PARP4: variants seen among roughly 807,000 people sequenced by gnomAD.
PARP4 encodes protein mono-ADP-ribosyltransferase PARP4.
A neutral mutation model predicts 187.7 loss-of-function variants in PARP4; 120 were observed. The observed-to-expected ratio is 0.64, with a 90% CI of 0.55 to 0.74. The LOEUF (loss-of-function observed/expected upper bound fraction) is 0.74. PARP4 is among the 30% of genes least tolerant of loss of function. The probability of loss-of-function intolerance (pLI) is 0.00; values close to 1 mark genes in which losing one functional copy is unlikely to be tolerated. For missense variants in PARP4, 1,836 were observed against 2,070.5 expected (o/e 0.89, Z 2.20); for synonymous variants, 654 against 740.9 (o/e 0.88, Z 1.90).
chr13:24,490,601 G>A, intron 10 of PARP4, 67 bp downstream of exon 10: 1 of 1,193,636 alleles, frequency 8.4e-7, no homozygotes. Flanking sequence ...ACTGTAATTA[G>A]CTCTTTAACG....
At chr13:24,469,773 C>T (rs1232571503) in intron 16 of PARP4, 121 bp downstream of exon 16, 7 of 1,014,742 alleles carry the variant, frequency 6.9e-6, no homozygotes, top group Admixed American at 2.7e-5. Flanking sequence ...AGAATATTCT[C>T]GTTTTATGAT....
intron 30 of PARP4, among the ~76,000 whole-genome samples, chr13:24,436,747 G>A (rs1289237459): frequency 1.3e-5 from 2 of 152,120 alleles, no homozygotes; most frequent in Non-Finnish European, 2.9e-5. Flanking sequence ...AAAGTTGCAT[G>A]TATAAAATCC....
At chr13:24,470,852 C>T (rs1398328265) in intron 15 of PARP4, among the ~76,000 whole-genome samples, 1 of 150,308 alleles carries the variant, frequency 6.7e-6, no homozygotes, top group Non-Finnish European at 1.5e-5. Flanking sequence ...CAAAATTTTT[C>T]AAGGAGTCCT....
intron 32 of PARP4, 55 bp from the exon 33 acceptor site, chr13:24,426,653 G>C (rs1317941490): frequency 1.1e-5 from 17 of 1,486,056 alleles, no homozygotes; most frequent in Middle Eastern, 2.4e-4. Context: ...CTCAAACTGT[G>C]CCTGTTTATA....
chr13:24,505,131 T>G (rs1869547527), intron 1 of PARP4, among the ~76,000 whole-genome samples: 1 of 148,828 alleles, frequency 6.7e-6, no homozygotes, highest in South Asian at 2.1e-4. Flanking sequence ...AGGTGAGGGT[T>G]AAAGAAAGAC....
chr13:24,433,337 C>A (rs1164934561), intron 31 of PARP4, among the ~76,000 whole-genome samples: 1 of 152,182 alleles, frequency 6.6e-6, no homozygotes, highest in Non-Finnish European at 1.5e-5. Flanking sequence ...GCAGCCTCCA[C>A]CATAGTGATG....
intron 15 of PARP4, among the ~76,000 whole-genome samples, chr13:24,471,085 A>T (rs1872713138): frequency 6.6e-6 from 1 of 152,140 alleles, no homozygotes; most frequent in African/African-American, 2.4e-5. Flanking sequence ...GTGCCTGGTG[A>T]GGAGGCACCA....
At chr13:24,509,012 C>G (rs1869856740) in intron 1 of PARP4, among the ~76,000 whole-genome samples, 1 of 152,080 alleles carries the variant, frequency 6.6e-6, no homozygotes, top group African/African-American at 2.4e-5. Flanking sequence ...TGATGAACAT[C>G]CTTATGTGCA....
intron 30 of PARP4, among the ~76,000 whole-genome samples, chr13:24,440,900 C>T (rs1172122352): frequency 6.6e-6 from 1 of 152,134 alleles, no homozygotes. Flanking sequence ...ATGATCAAAT[C>T]CTCACTCTGT....
rs1284981380 is a variant in PARP4, at chr13:24,499,354, T to G, written c.424A>C (p.Ile142Leu). 6.3e-7 allele frequency: 1 copy of G among 1,582,950 alleles called. No homozygotes were observed. Among genetic ancestry groups the G allele is most frequent in the Non-Finnish European group, 8.6e-7 (1 of 1,166,754 alleles). Residue 142 changes from isoleucine (I) to leucine (L), a missense_variant, in exon 5 of 34, where the codon ATT becomes CTT. Ile to Leu is a conservative substitution (Grantham distance 5). Around this residue, in one of 8 missense-constraint regions of PARP4, gnomAD observed 1,147 missense variants for 1,214.2 expected, o/e 0.94. Coordinates refer to ENST00000381989, the MANE Select transcript of PARP4 (RefSeq NM_006437.4). The stretch of plus-strand genomic sequence containing the variant: ...TCAAAATCTTGAGGAAGATGAGGAA[T>G]TTCAACATTCTGCATACCAAACCTG... ...LTEFGMQNVE[I>L]PHLPQDFEVA... is the part of the protein sequence containing the mutation.
intron 7 of PARP4, among the ~76,000 whole-genome samples, chr13:24,494,293 T>C (rs976403650): frequency 1.3e-5 from 2 of 152,178 alleles, no homozygotes; most frequent in Non-Finnish European, 1.5e-5. Context: ...ACTGCTGAAT[T>C]CAAGTGGTCC....
intron 1 of PARP4, among the ~76,000 whole-genome samples, chr13:24,508,663 G>A (rs1025460862): frequency 2.0e-5 from 3 of 152,120 alleles, no homozygotes; most frequent in African/African-American, 4.8e-5. Context: ...ATAGGTGCCT[G>A]CCACCATGCC....
Position 24,469,043 on chromosome 13 carries a change from A to T in PARP4, c.2114T>A (p.Leu705Gln). 3 of 1,613,224 alleles carry T rather than the reference A, an allele frequency of 1.9e-6. No homozygotes were observed. Among genetic ancestry groups the T allele is most frequent in the Non-Finnish European group, 2.5e-6 (3 of 1,179,184 alleles). Residue 705 changes from leucine (L) to glutamine (Q), a missense_variant, in exon 17 of 34, where the codon CTG becomes CAG. Leu to Gln is a moderately radical substitution (Grantham distance 113). This residue lies in a region of PARP4 where 1,147 missense variants were observed against 1,214.2 expected (regional missense o/e 0.94). Coordinates refer to ENST00000381989, the MANE Select transcript of PARP4 (RefSeq NM_006437.4). ...CCATACCGGAGCATCCTGACTCATC[A>T]GGTAAGCGCCATGGCCCTGGGTCAC... is the stretch of plus-strand genomic sequence containing the variant. ...EAVTQGHGAY[L>Q]MSQDAPDVFT...
At chr13:24,458,730 G>A (rs781495938) in intron 20 of PARP4, among the ~76,000 whole-genome samples, 4 of 152,156 alleles carry the variant, frequency 2.6e-5, no homozygotes, top group African/African-American at 4.8e-5. Context: ...TAGGTGGGTG[G>A]AGGGGGCAAG....
At chr13:24,487,819 CG>C (rs751552107) in intron 10 of PARP4, among the ~76,000 whole-genome samples, 14 of 152,248 alleles carry the variant, frequency 9.2e-5, no homozygotes, top group Non-Finnish European at 2.1e-4. Context: ...AGCACACCCC[CG>C]GGTGAGCAGC....
intron 32 of PARP4, among the ~76,000 whole-genome samples, chr13:24,429,020 T>TC (rs398117108): frequency 5.9e-5 from 9 of 152,162 alleles, no homozygotes; most frequent in Non-Finnish European, 1.3e-4. Context: ...CTATTTTTTT[T>TC]CTTTCTATAT....
intron 2 of PARP4, 133 bp downstream of exon 2, chr13:24,503,512 T>G: frequency 9.4e-7 from 1 of 1,063,392 alleles, no homozygotes; most frequent in Non-Finnish European, 1.4e-6. Context: ...GCCATGTCAG[T>G]CTCTCCTGAT....
chr13:24,440,368 A>T (rs1030236119), intron 30 of PARP4, among the ~76,000 whole-genome samples: 1 of 150,016 alleles, frequency 6.7e-6, no homozygotes, highest in Admixed American at 6.7e-5. Flanking sequence ...ACTGCACTCA[A>T]CCCTGGGCGA....
intron 25 of PARP4, among the ~76,000 whole-genome samples, chr13:24,448,011 G>T (rs1871297867): frequency 6.6e-6 from 1 of 152,134 alleles, no homozygotes; most frequent in Non-Finnish European, 1.5e-5. Flanking sequence ...TTCGAGACCA[G>T]CCTAGGCCCA....
Sources: gnomAD v4.1 joint callset for allele counts (sites outside exome capture counted in the v4.1 genomes callset) on GRCh38, gnomAD v4.1.1 for gene constraint, gnomAD v4.1.1 regional missense constraint, MANE v1.5 for transcripts, NCBI Gene and HGNC (gene_info 2026-07-23, HGNC 2026-07-21) for gene names.